Variants in BCAR3 observed in about 807,000 individuals in gnomAD.
BCAR3 encodes BCAR3 adaptor protein, NSP family member, also known as breast cancer anti-estrogen resistance protein 3.
In BCAR3, 37 loss-of-function variants were observed where a neutral mutation model predicts 80.1. The ratio of observed to expected loss-of-function variants is 0.46; its 90% confidence interval spans 0.36 to 0.61. The LOEUF is 0.61. BCAR3 is among the 20% of genes least tolerant of loss of function. BCAR3 has a pLI of 0.00. For synonymous variants in BCAR3, 389 were observed against 418.9 expected, an observed-to-expected ratio of 0.93 and a Z score of 0.87; for missense variants, 978 against 1,068.2, an observed-to-expected ratio of 0.92 and a Z score of 1.18.
intron 3 of BCAR3, among the ~76,000 whole-genome samples, chr1:93,628,566 C>G (rs1291567789): frequency 6.6e-6 from 1 of 152,164 alleles, no homozygotes; most frequent in Non-Finnish European, 1.5e-5. Context: ...AAGCCTTGCC[C>G]TTCTTCTTCC....
intron 3 of BCAR3, among the ~76,000 whole-genome samples, chr1:93,604,175 GTTAAA>G (rs552466573): frequency 2.0e-4 from 30 of 152,200 alleles, no homozygotes; most frequent in Non-Finnish European, 3.4e-4. Flanking sequence ...GCAATTTGCT[GTTAAA>G]TTAAGATGTT....
intron 2 of BCAR3, among the ~76,000 whole-genome samples, chr1:93,754,847 T>C (rs1557677143): frequency 1.3e-5 from 2 of 152,002 alleles, no homozygotes; most frequent in Non-Finnish European, 2.9e-5. Flanking sequence ...GTACCCCTAC[T>C]AAAAAAAAGT....
chr1:93,565,255 G>A (rs993463056), intron 11 of BCAR3, among the ~76,000 whole-genome samples: 11 of 152,194 alleles, frequency 7.2e-5, no homozygotes, highest in East Asian at 1.9e-4. Context: ...TAACAGAGAC[G>A]GGGTTTTGCC....
intron 3 of BCAR3, among the ~76,000 whole-genome samples, chr1:93,702,884 G>A (rs1466695724): frequency 6.6e-6 from 1 of 152,198 alleles, no homozygotes; most frequent in Non-Finnish European, 1.5e-5. Context: ...TAGAATGGCA[G>A]CTGCCCACGC....
At chr1:93,624,947 A>T (rs746990986) in intron 3 of BCAR3, among the ~76,000 whole-genome samples, 6 of 152,202 alleles carry the variant, frequency 3.9e-5, no homozygotes, top group Non-Finnish European at 8.8e-5. Context: ...GCGGTGGCTC[A>T]TGCCTGTAAT....
intron 2 of BCAR3, among the ~76,000 whole-genome samples, chr1:93,759,243 G>A (rs60699147): frequency 0.12 from 17,806 of 152,144 alleles, 1,461 homozygotes; most frequent in African/African-American, 0.22. Context: ...GGAAGGCGCC[G>A]AAAGCTAAGC....
rs1674222888 is a variant in BCAR3, at chr1:93,591,996, C to G, written c.486+269G>C. The stretch of plus-strand genomic sequence containing the variant: ...CCGGTTACTGACTCTGTGGCTGCTG[C>G]CTCCCACAACGCTGTGCTTGCAGAC... On this transcript the variant is annotated intron_variant, in intron 4 of 11. Coordinates refer to ENST00000260502, the MANE Select transcript of BCAR3 (RefSeq NM_003567.4). Among the ~76,000 whole-genome samples the G allele has an allele frequency of 2.0e-5, 3 of 152,360 alleles. No individual in the cohort carries two copies. In the South Asian group the frequency reaches 6.2e-4, roughly 32 times the overall value.
At position 93,752,936 on chromosome 1, in the gene BCAR3, C is replaced by A. The variant is rs1200345100; in HGVS notation, c.-62-46794G>T. 5 of 152,204 alleles carry A rather than the reference C, an allele frequency of 3.3e-5. No homozygotes were observed. In the East Asian group the frequency reaches 7.7e-4, roughly 23 times the overall value. The allele number at this position is 152,204 out of a possible 1,614,324, so 9.4% of individuals were successfully genotyped here. A position where few individuals can be genotyped will look rare whatever the true frequency, so the allele number is the denominator to read the frequency against. ...AAGAGTACACTGGTTATAGCTATGGCAGTATTTTTTATTACTGCAGGCTTC... is the reference window on the plus strand; with the variant it reads ...AAGAGTACACTGGTTATAGCTATGGAAGTATTTTTTATTACTGCAGGCTTC... On this transcript the variant is annotated intron_variant, in intron 2 of 13. Coordinates refer to the BCAR3 transcript ENST00000370244.
chr1:93,813,781 G>A (rs1376137428), intron 2 of BCAR3, among the ~76,000 whole-genome samples: 3 of 152,114 alleles, frequency 2.0e-5, no homozygotes, highest in Middle Eastern at 3.2e-3. Flanking sequence ...TTCAGATTAC[G>A]TCAATTGTCC....
At chr1:93,724,180 C>T (rs193221194) in intron 2 of BCAR3, among the ~76,000 whole-genome samples, 5 of 152,266 alleles carry the variant, frequency 3.3e-5, no homozygotes, top group Admixed American at 3.3e-4. Context: ...GAGGGGAGCC[C>T]CACAGAGGGG....
intron 2 of BCAR3, among the ~76,000 whole-genome samples, chr1:93,844,601 CTT>C (rs964453894): frequency 1.1e-4 from 16 of 152,228 alleles, no homozygotes; most frequent in African/African-American, 3.6e-4. Context: ...ACTAAATACT[CTT>C]TTCATTTTTC....
Position 93,832,248 on chromosome 1 carries a change from A to C in BCAR3, c.-63+13319T>G, listed in dbSNP as rs148659996. On this transcript the variant is annotated intron_variant, in intron 2 of 13. Coordinates refer to the BCAR3 transcript ENST00000370244. ...CTACACTGTGAGACAAACCCCAGCC[A>C]CATCTCCAGCACACAAGAACTTCCA... 8.9e-3 allele frequency among the ~76,000 whole-genome samples: 1,361 copies of C among 152,336 alleles called. 19 individuals are homozygous for C. Among genetic ancestry groups the C allele is most frequent in the African/African-American group, 0.032 (1,318 of 41,564 alleles).
chr1:93,639,211 T>C (rs1675901438), intron 3 of BCAR3, among the ~76,000 whole-genome samples: 1 of 152,142 alleles, frequency 6.6e-6, no homozygotes, highest in Admixed American at 6.5e-5. Context: ...GGCATGAATG[T>C]ACTGCAACAC....
intron 3 of BCAR3, chr1:93,605,369 C>T (rs372783929): frequency 1.3e-5 from 2 of 152,358 alleles, no homozygotes; most frequent in East Asian, 3.9e-4. Context: ...ACCATGTCCT[C>T]GAGCGACTTT....
intron 7 of BCAR3, among the ~76,000 whole-genome samples, chr1:93,582,021 C>A (rs1012411477): frequency 6.6e-6 from 1 of 152,190 alleles, no homozygotes; most frequent in Non-Finnish European, 1.5e-5. Flanking sequence ...GCGGCCCCCA[C>A]CCCCGGCAGC....
chr1:93,825,356 C>A lies in BCAR3; in HGVS notation c.-63+20211G>T, dbSNP rs1212877673. Among the ~76,000 whole-genome samples the A allele has an allele frequency of 3.0e-5, 4 of 133,152 alleles. 1 individual carries two copies. Among genetic ancestry groups the A allele is most frequent in the Non-Finnish European group, 6.8e-5 (4 of 59,142 alleles). 87.4% of individuals were successfully genotyped at this position (133,152 alleles called of 152,430 possible). A position where few individuals can be genotyped will look rare whatever the true frequency, so the allele number is the denominator to read the frequency against. Reference sequence around the variant, plus strand: ...GATCCCATCCTACCCACCCTACTTTCCTTTTAGGAGCTGTATAGCAGCAGC... The same window carrying A: ...GATCCCATCCTACCCACCCTACTTTACTTTTAGGAGCTGTATAGCAGCAGC... On this transcript the variant is annotated intron_variant, in intron 2 of 13. Coordinates refer to the BCAR3 transcript ENST00000370244.
chr1:93,571,068 G>C (rs1673191124), intron 9 of BCAR3, among the ~76,000 whole-genome samples: 1 of 152,136 alleles, frequency 6.6e-6, no homozygotes, highest in Non-Finnish European at 1.5e-5. Context: ...GCCAGGTGTG[G>C]TGGCCCACGC....
intron 5 of BCAR3, chr1:93,584,897 G>T: frequency 1.2e-6 from 1 of 866,146 alleles, no homozygotes; most frequent in Non-Finnish European, 1.4e-6. Context: ...CAGCCAAGTT[G>T]TTATGAACTT....
At chr1:93,647,959 G>C (rs1676197076) in intron 2 of BCAR3, among the ~76,000 whole-genome samples, 1 of 152,018 alleles carries the variant, frequency 6.6e-6, no homozygotes. Flanking sequence ...TTTTAGTAGA[G>C]ATGGGGATTT....
Sources: allele counts gnomAD v4.1 joint callset (sites outside exome capture counted in the v4.1 genomes callset), GRCh38; gene constraint gnomAD v4.1.1; transcripts MANE v1.5; gene names NCBI Gene and HGNC (gene_info 2026-07-23, HGNC 2026-07-21).